Variants in SKI observed in about 807,000 individuals in gnomAD.
SKI encodes ski oncogene.
A neutral mutation model predicts 59.3 loss-of-function variants in SKI; 23 were observed. That is an observed-to-expected ratio of 0.39 (90% confidence interval 0.28 to 0.55). The LOEUF (loss-of-function observed/expected upper bound fraction) is 0.55. Ranked by LOEUF, SKI falls within the 20% of genes least tolerant of loss-of-function variation. The pLI is 0.67. For synonymous variants in SKI, 673 were observed against 488.6 expected (o/e 1.38, Z -4.98); for missense variants, 1,017 against 1,038.9 (o/e 0.98, Z 0.29).
chr1:2,249,636 G>C (rs1411451897), intron 1 of SKI, among the ~76,000 whole-genome samples: 4 of 152,212 alleles, frequency 2.6e-5, no homozygotes, highest in African/African-American at 9.7e-5. Context: ...ACCTGCTGCT[G>C]TTGGGGCCAA....
At chr1:2,279,883 C>T (rs1202097692) in intron 1 of SKI, among the ~76,000 whole-genome samples, 1 of 152,170 alleles carries the variant, frequency 6.6e-6, no homozygotes, top group Non-Finnish European at 1.5e-5. Context: ...GTGTGGGCAT[C>T]CAGTGAGGGG....
intron 1 of SKI, among the ~76,000 whole-genome samples, chr1:2,276,178 C>A (rs1639738756): frequency 6.6e-6 from 1 of 152,142 alleles, no homozygotes; most frequent in Non-Finnish European, 1.5e-5. Context: ...GCCACATTTC[C>A]CAAAAAGAAG....
intron 1 of SKI, among the ~76,000 whole-genome samples, chr1:2,274,435 C>T (rs1298559021): frequency 6.6e-6 from 1 of 151,972 alleles, no homozygotes; most frequent in Non-Finnish European, 1.5e-5. Context: ...CCGTGGGCGC[C>T]GAGGGTGGTG....
rs1375460797 is a variant in SKI at position 2,306,694 on chromosome 1, C to T, written c.2116C>T (p.Gln706Ter). ...CCTGGAGAAGGTGGTGAAGGAGCTG[C>T]AGGAACAGCTGTGGCCGCGGGCCCG... ...EHLEKVVKELQEQLWPRARPE... is the reference protein window; with the variant it reads ...EHLEKVVKEL The change falls in exon 7 of 7, where the codon CAG (glutamine) becomes TAG (stop). Residue 706 changes from glutamine to a stop codon, truncating the protein, a stop_gained. Coordinates refer to ENST00000378536, the MANE Select transcript of SKI (RefSeq NM_003036.4). LOFTEE classifies it high-confidence loss of function. 1.9e-6 allele frequency: 3 copies of T among 1,543,686 alleles called. No individual in the cohort carries two copies. Among genetic ancestry groups the T allele is most frequent in the East Asian group, 4.9e-5 (2 of 40,626 alleles).
intron 1 of SKI, among the ~76,000 whole-genome samples, chr1:2,248,643 C>T (rs573510129): frequency 1.3e-5 from 2 of 152,354 alleles, no homozygotes; most frequent in East Asian, 3.9e-4. Context: ...CTCTGGCAGG[C>T]ACTGGCTGTA....
rs538703800 is a variant in SKI at position 2,229,216 on chromosome 1, C to T, written c.450C>T (p.Cys150=). ...NAVCDELHIY[C]SRCTADQLEI... ...TGTGCGACGAGCTCCACATCTACTG[C>T]TCGCGCTGCACGGCCGACCAGCTGG... Residue 150 remains cysteine, a synonymous_variant, in exon 1 of 7, where the codon TGC becomes TGT. Transcript: ENST00000378536. This position sits in a 1 kb window ranked among gnomAD's most constrained non-coding sequence, Gnocchi z 6.3. The T allele has an allele frequency of 9.3e-6, 15 of 1,609,258 alleles. No individual in the cohort carries two copies. The Admixed American group carries it at 2.0e-4, about 22-fold the overall frequency.
intron 6 of SKI, 46 bp downstream of exon 6, chr1:2,306,296 G>T (rs934792781): frequency 1.4e-6 from 2 of 1,461,526 alleles, no homozygotes; most frequent in East Asian, 5.0e-5. Context: ...TGGGCGTGGA[G>T]CCGCCGTGGG....
intron 1 of SKI, among the ~76,000 whole-genome samples, chr1:2,245,113 A>T (rs958503367): frequency 1.3e-5 from 2 of 151,866 alleles, no homozygotes; most frequent in Admixed American, 6.6e-5. Flanking sequence ...CCAGCCCCCA[A>T]CACCCACCCG....
chr1:2,229,787 C>G lies in SKI; in HGVS notation c.969+52C>G. 1 of 1,549,342 alleles carries G rather than the reference C, an allele frequency of 6.5e-7. No homozygotes were observed. The highest frequency in any genetic ancestry group is 1.4e-5 in the African/African-American group (1 of 73,158). ...GGGAGGATGCGCTTGGGGTGGGGGCCCCTTCTGGACTACAGGCTCTGGTCT... is the reference window on the plus strand; with the variant it reads ...GGGAGGATGCGCTTGGGGTGGGGGCGCCTTCTGGACTACAGGCTCTGGTCT... On this transcript the variant is annotated intron_variant, in intron 1 of 6. Transcript: ENST00000378536. This position sits in a 1 kb window ranked among gnomAD's most constrained non-coding sequence, Gnocchi z 6.3.
chr1:2,296,284 A>C (rs1232402458), intron 1 of SKI, among the ~76,000 whole-genome samples: 3 of 151,936 alleles, frequency 2.0e-5, no homozygotes, highest in Non-Finnish European at 4.4e-5. Flanking sequence ...AGTCCCAGCT[A>C]CTCAGGAGGC....
In SKI at chr1:2,229,646, A is replaced by G. The variant is rs1461346816; in HGVS notation, c.880A>G (p.Lys294Glu). Residue 294 changes from lysine to glutamate, a missense_variant, in exon 1 of 7, where the codon AAG (lysine) becomes GAG (glutamate). Lys to Glu is a moderately conservative substitution (Grantham distance 56). Coordinates refer to ENST00000378536, the MANE Select transcript of SKI (RefSeq NM_003036.4). The surrounding 1 kb of genome is among the most constrained non-coding windows in gnomAD (Gnocchi z 6.3). ...CCTGCTGAGCCAGGATTACACGGGC[A>G]AGGAGGAGCAGGCGCGCCTCGGCCG... Reference protein sequence around the residue: ...YILLSQDYTGKEEQARLGRCL... With the variant: ...YILLSQDYTGEEEQARLGRCL... The G allele has an allele frequency of 1.2e-6, 2 of 1,612,130 alleles. No homozygotes were observed. The highest frequency in any genetic ancestry group is 8.5e-7 in the Non-Finnish European group (1 of 1,179,756).
At position 2,304,028 on chromosome 1, in the gene SKI, C is replaced by T. The variant is rs752151031; in HGVS notation, c.1400C>T (p.Thr467Met). ...LTVDTPGAPE[T>M]LAPVAAPEED... is the part of the protein sequence containing the mutation. ...GTGGACACCCCAGGAGCCCCAGAGA[C>T]GCTGGCGCCCGTGGCTGCCCCAGAG... Residue 467 changes from threonine to methionine, a missense_variant, in exon 4 of 7, where the codon ACG becomes ATG. Transcript: ENST00000378536. The T allele has an allele frequency of 1.7e-5, 27 of 1,612,446 alleles. No individual in the cohort carries two copies. In the Middle Eastern group the frequency reaches 5.0e-4, roughly 30 times the overall value.
At chr1:2,297,015 A>G (rs1056019407) in intron 1 of SKI, among the ~76,000 whole-genome samples, 1 of 152,048 alleles carries the variant, frequency 6.6e-6, no homozygotes, top group African/African-American at 2.4e-5. Flanking sequence ...TCCCTTGAAA[A>G]TACTGAATGG....
rs574904720 is a variant in SKI at position 2,271,543 on chromosome 1, G to A, written c.970-31435G>A. On this transcript the variant is annotated intron_variant, in intron 1 of 6. Transcript: ENST00000378536. ...TTCCGCGGAGTGCCCGGCTGCCCTCGGCAGGGGCTTTGTGTTGGCTGCCCT... is the reference window on the plus strand; with the variant it reads ...TTCCGCGGAGTGCCCGGCTGCCCTCAGCAGGGGCTTTGTGTTGGCTGCCCT... Among the ~76,000 whole-genome samples, 37 of 152,228 alleles carry A rather than the reference G, an allele frequency of 2.4e-4. No individual in the cohort carries two copies. The East Asian group carries it at 3.7e-3, about 15-fold the overall frequency.
intron 1 of SKI, among the ~76,000 whole-genome samples, chr1:2,273,582 TTG>T (rs1639675570): frequency 6.6e-6 from 1 of 152,032 alleles, no homozygotes; most frequent in African/African-American, 2.4e-5. Context: ...CTCCCCAGCC[TTG>T]TGAGCCAGGG....
intron 1 of SKI, among the ~76,000 whole-genome samples, chr1:2,302,021 C>G (rs1468676144): frequency 6.6e-6 from 1 of 152,224 alleles, no homozygotes; most frequent in East Asian, 1.9e-4. Context: ...TTGTGCCTTG[C>G]GGGCAGCACC....
intron 1 of SKI, chr1:2,240,599 A>G: frequency 1.0e-6 from 1 of 985,450 alleles, no homozygotes; most frequent in African/African-American, 1.7e-5. Context: ...GAGGATTTTA[A>G]GAAGCAGAGT....
chr1:2,229,874 G>A lies in SKI; in HGVS notation c.969+139G>A, dbSNP rs2100791558. On this transcript the variant is annotated intron_variant, in intron 1 of 6. Transcript: ENST00000378536. The surrounding 1 kb of genome is among the most constrained non-coding windows in gnomAD (Gnocchi z 6.3). ...GTCTCCAGTCTTCGCTTTGTTTTAGGGAAATTCAGAGTGTTCCGACTGGCA... is the reference window on the plus strand; with the variant it reads ...GTCTCCAGTCTTCGCTTTGTTTTAGAGAAATTCAGAGTGTTCCGACTGGCA... 6.8e-7 allele frequency: 1 copy of A among 1,466,230 alleles called. No homozygotes were observed. 90.8% of individuals were successfully genotyped at this position (1,466,230 alleles called of 1,614,324 possible). A position where few individuals can be genotyped will look rare whatever the true frequency, so the allele number is the denominator to read the frequency against.
intron 1 of SKI, among the ~76,000 whole-genome samples, chr1:2,259,425 G>C (rs1161785182): frequency 6.6e-6 from 1 of 152,214 alleles, no homozygotes; most frequent in Non-Finnish European, 1.5e-5. Flanking sequence ...AGAAGCCGTG[G>C]TGGTTTCATG....
Sources: allele counts gnomAD v4.1 joint callset (sites outside exome capture counted in the v4.1 genomes callset), GRCh38; gene constraint gnomAD v4.1.1; non-coding constraint Gnocchi (gnomAD v3.1); transcripts MANE v1.5; gene names NCBI Gene and HGNC (gene_info 2026-07-23, HGNC 2026-07-21).